The following ZNF214 variants were observed in gnomAD, a reference collection of about 807,000 sequenced individuals.
The protein encoded by ZNF214 is zinc finger protein 214, also known as BWSCR2-associated zinc finger protein 1.
A neutral mutation model predicts 53.9 loss-of-function variants in ZNF214; 43 were observed. The ratio of observed to expected loss-of-function variants is 0.80; its 90% CI spans 0.63 to 1.03. ZNF214 has a LOEUF of 1.03. ZNF214 is among the 50% of genes least tolerant of loss of function. The pLI, the probability that ZNF214 is intolerant of heterozygous loss-of-function variation, is 0.00. For synonymous variants in ZNF214, 217 were observed against 229.5 expected, an observed-to-expected ratio of 0.95 and a Z score of 0.49; for missense variants, 724 against 719.1, an observed-to-expected ratio of 1.01 and a Z score of -0.08.
chr11:7,017,921 A>G (rs937448707), intron 1 of ZNF214, among the ~76,000 whole-genome samples: 4 of 152,256 alleles, frequency 2.6e-5, no homozygotes, highest in Non-Finnish European at 5.9e-5. Context: ...TGCTTAGTAT[A>G]CGCACAGTAC....
At position 7,001,086 on chromosome 11, in the gene ZNF214, C is replaced by T. The variant is rs143007319; in HGVS notation, c.597G>A (p.Gln199=). ...CTTCTTGACATATCACCCCAACATA[C>T]TGTGGAAGGGCTTCCTCCACTGGGA... ...SYIPVEEALP[Q]YVGVICQEDL... is the part of the protein sequence containing the mutation. The change falls in exon 3 of 3, where the codon CAG becomes CAA. Residue 199 remains glutamine (Q), a synonymous_variant. Transcript: ENST00000278314. 4.2e-3 allele frequency: 6,846 copies of T among 1,613,370 alleles called. 26 individuals carry two copies. The highest frequency in any genetic ancestry group is 0.021 in the Middle Eastern group (126 of 6,060).
intron 1 of ZNF214, among the ~76,000 whole-genome samples, chr11:7,010,765 C>A (rs983991262): frequency 6.6e-6 from 1 of 151,136 alleles, no homozygotes; most frequent in South Asian, 2.1e-4. Flanking sequence ...AATGTCAGAC[C>A]AATGAAAATC....
intron 1 of ZNF214, among the ~76,000 whole-genome samples, chr11:7,003,664 T>G (rs1007237442): frequency 6.6e-6 from 1 of 152,010 alleles, no homozygotes; most frequent in Non-Finnish European, 1.5e-5. Flanking sequence ...GATGAAGGGT[T>G]GTCAGTTGAG....
Position 7,001,549 on chromosome 11 carries a change from C to A in ZNF214, c.134G>T (p.Trp45Leu). Reference protein sequence around the residue: ...NYTNVMSVENWNESYKSQEEK... With the variant: ...NYTNVMSVENLNESYKSQEEK... The stretch of plus-strand genomic sequence containing the variant: ...TTCTTGGGATTTGTAGCTCTCATTC[C>A]AGTTTTCTAGAAAAATAAAAAGATA... Residue 45 changes from tryptophan (W) to leucine (L), a missense_variant, in exon 3 of 3, where the codon TGG (tryptophan) becomes TTG (leucine). Trp to Leu is a moderately conservative substitution (Grantham distance 61). Coordinates refer to ENST00000278314, the MANE Select transcript of ZNF214 (RefSeq NM_013249.4). The A allele has an allele frequency of 6.3e-7, 1 of 1,588,064 alleles. No individual in the cohort carries two copies. Among genetic ancestry groups the A allele is most frequent in the African/African-American group, 1.4e-5 (1 of 73,252 alleles).
intron 1 of ZNF214, among the ~76,000 whole-genome samples, chr11:7,011,896 A>G (rs901925231): frequency 2.0e-5 from 3 of 152,170 alleles, no homozygotes; most frequent in Admixed American, 1.3e-4. Flanking sequence ...TTAACCAAGA[A>G]TACAAATAAT....
At chr11:7,010,241 A>G (rs781637223) in intron 1 of ZNF214, among the ~76,000 whole-genome samples, 2 of 152,124 alleles carry the variant, frequency 1.3e-5, no homozygotes, top group Non-Finnish European at 2.9e-5. Context: ...CACAGGCATT[A>G]AAAAAGAACA....
At chr11:7,009,968 G>GGT (rs1249116170) in intron 1 of ZNF214, among the ~76,000 whole-genome samples, 3 of 152,072 alleles carry the variant, frequency 2.0e-5, no homozygotes, top group Non-Finnish European at 4.4e-5. Flanking sequence ...ATACGCTGAT[G>GGT]GTGGGAATGT....
At chr11:7,013,645 T>C (rs1851667610) in intron 1 of ZNF214, among the ~76,000 whole-genome samples, 1 of 152,188 alleles carries the variant, frequency 6.6e-6, no homozygotes, top group Non-Finnish European at 1.5e-5. Context: ...GATGGCCCCC[T>C]GGTGTTCCCA....
chr11:7,001,286 A>AT lies in ZNF214; in HGVS notation c.396dup (p.Tyr133IlefsTer2), dbSNP rs1165542999. Reference sequence around the variant, plus strand: ...GACTGCCAAGGCATAAAATTTTTATATTTTAAGTTCCTGAGACTTTTGCTT... The same window carrying AT: ...GACTGCCAAGGCATAAAATTTTTATATTTTTAAGTTCCTGAGACTTTTGCTT... On this transcript the variant is annotated frameshift_variant, in exon 3 of 3. Coordinates refer to ENST00000278314, the MANE Select transcript of ZNF214 (RefSeq NM_013249.4). LOFTEE classifies it high-confidence loss of function. 6.2e-7 allele frequency: 1 copy of AT among 1,613,072 alleles called. No homozygotes were observed. Among genetic ancestry groups the AT allele is most frequent in the African/African-American group, 1.3e-5 (1 of 74,830 alleles).
At chr11:7,019,879 C>G (rs767414048) in intron 1 of ZNF214, 194 bp downstream of exon 1, 3 of 152,226 alleles carry the variant, frequency 2.0e-5, no homozygotes, top group Non-Finnish European at 4.4e-5. Context: ...ACCAGAGAAC[C>G]AGACACACGA....
At chr11:7,019,121 T>C (rs1444841234) in intron 1 of ZNF214, among the ~76,000 whole-genome samples, 1 of 152,140 alleles carries the variant, frequency 6.6e-6, no homozygotes, top group East Asian at 1.9e-4. Context: ...GTTCCTCTTC[T>C]GGGGAAGGGT....
chr11:7,010,716 GA>G (rs1851588302), intron 1 of ZNF214, among the ~76,000 whole-genome samples: 1 of 149,946 alleles, frequency 6.7e-6, no homozygotes, highest in African/African-American at 2.4e-5. Context: ...ATAAATGATT[GA>G]GAAAATGCAT....
In ZNF214 at chr11:7,001,074, C is replaced by T. The variant is rs1851332366; in HGVS notation, c.609G>A (p.Val203=). ...VEEALPQYVG[V]ICQEDLLRDS... The stretch of plus-strand genomic sequence containing the variant: ...CTCTCAGTAGGTCTTCTTGACATAT[C>T]ACCCCAACATACTGTGGAAGGGCTT... Residue 203 remains valine (V), a synonymous_variant, in exon 3 of 3, where the codon GTG becomes GTA. Transcript: ENST00000278314. 6.2e-7 allele frequency: 1 copy of T among 1,613,196 alleles called. No individual in the cohort carries two copies. The highest frequency in any genetic ancestry group is 1.1e-5 in the South Asian group (1 of 91,062).
chr11:7,000,106 T>C lies in ZNF214; in HGVS notation c.1577A>G (p.Tyr526Cys). The change falls in exon 3 of 3, where the codon TAT (tyrosine) becomes TGT (cysteine). Residue 526 changes from tyrosine (Y) to cysteine (C), a missense_variant. Tyr to Cys is a radical substitution (Grantham distance 194). Transcript: ENST00000278314. ...HQRVHTGEKP[Y>C]KCHDCGKGFS... is the part of the protein sequence containing the mutation. ...ACCCTTTCCACAATCATGACATTTA[T>C]AGGGCTTTTCTCCTGTATGGACTCT... 2 of 1,613,334 alleles carry C rather than the reference T, an allele frequency of 1.2e-6. No individual in the cohort carries two copies. Among genetic ancestry groups the C allele is most frequent in the Non-Finnish European group, 1.7e-6 (2 of 1,179,552 alleles).
At position 7,000,906 on chromosome 11, in the gene ZNF214, T is replaced by A. The variant is rs1254603418; in HGVS notation, c.777A>T (p.Arg259Ser). 1 of 1,613,232 alleles carries A rather than the reference T, an allele frequency of 6.2e-7. No homozygotes were observed. The change falls in exon 3 of 3, where the codon AGA (arginine) becomes AGT (serine). Residue 259 changes from arginine to serine, a missense_variant. By Grantham distance (110) the Arg-to-Ser change is moderately radical (BLOSUM62 -1). Transcript: ENST00000278314. ...TTCTTGGATGTCTATACAAGTCTGA[T>A]CTCTGAGAGAAGCATGCTTTACAGA... Reference protein sequence around the residue: ...CSICKACFSQRSDLYRHPRNH... With the variant: ...CSICKACFSQSSDLYRHPRNH...
In ZNF214 at chr11:6,998,139, A is replaced by C. The variant is rs1157928672; in HGVS notation, c.*1723T>G. ...AAAACTGGTGATAATAAACTTTTCA[A>C]ATCTCAAAATTCTGAACGTGCTGCT... On this transcript the variant is annotated 3_prime_UTR_variant, in exon 3 of 3. Transcript: ENST00000278314. Among the ~76,000 whole-genome samples, 1 of 151,910 alleles carries C rather than the reference A, an allele frequency of 6.6e-6. No individual in the cohort carries two copies. Among genetic ancestry groups the C allele is most frequent in the African/African-American group, 2.4e-5 (1 of 41,394 alleles).
Position 6,998,947 on chromosome 11 carries a change from A to ATT in ZNF214, c.*913_*914dup, listed in dbSNP as rs1851249140. Among the ~76,000 whole-genome samples, 1 of 151,948 alleles carries ATT rather than the reference A, an allele frequency of 6.6e-6. No homozygotes were observed. Among genetic ancestry groups the ATT allele is most frequent in the Admixed American group, 6.6e-5 (1 of 15,222 alleles). On this transcript the variant is annotated 3_prime_UTR_variant, in exon 3 of 3. Coordinates refer to ENST00000278314, the MANE Select transcript of ZNF214 (RefSeq NM_013249.4). ...AATGGCCAAACTCTCTTTTTACATA[A>ATT]TTAGCTTCAGGGTTCATCGTTGCAC... is the stretch of plus-strand genomic sequence containing the variant.
At chr11:7,014,638 G>T (rs1323578219) in intron 1 of ZNF214, among the ~76,000 whole-genome samples, 1 of 152,030 alleles carries the variant, frequency 6.6e-6, no homozygotes, top group Non-Finnish European at 1.5e-5. Flanking sequence ...GGGTGGGAAA[G>T]AAATTCTGGA....
chr11:7,010,531 A>T (rs560002290), intron 1 of ZNF214, among the ~76,000 whole-genome samples: 1 of 151,918 alleles, frequency 6.6e-6, no homozygotes, highest in African/African-American at 2.4e-5. Flanking sequence ...CACAATTTAT[A>T]TAACAAAGCT....
Sources: gnomAD v4.1 joint callset for allele counts (sites outside exome capture counted in the v4.1 genomes callset) on GRCh38, gnomAD v4.1.1 for gene constraint, MANE v1.5 for transcripts, NCBI Gene and HGNC (gene_info 2026-07-23, HGNC 2026-07-21) for gene names.